NELL1: variants seen among roughly 807,000 people sequenced by gnomAD.
NELL1 encodes protein kinase C-binding protein NELL1.
NELL1 carries 76 observed loss-of-function variants against 107.4 expected under a neutral mutation model. That is an observed-to-expected ratio of 0.71 (90% confidence interval 0.59 to 0.86). NELL1 has a LOEUF of 0.86. Among genes scored for constraint, NELL1 ranks in the 40% least tolerant of loss-of-function variants. The pLI, the probability that NELL1 is intolerant of heterozygous loss-of-function variation, is 0.00. For synonymous variants in NELL1, 353 were observed against 341.2 expected, an observed-to-expected ratio of 1.03 and a Z score of -0.38; for missense variants, 1,024 against 1,005.5, an observed-to-expected ratio of 1.02 and a Z score of -0.25.
At chr11:21,060,059 A>C (rs780467253) in intron 12 of NELL1, among the ~76,000 whole-genome samples, 11 of 152,178 alleles carry the variant, frequency 7.2e-5, no homozygotes, top group Admixed American at 2.0e-4. Flanking sequence ...ACATGGGGTT[A>C]GGCACATTAA....
chr11:21,127,164 A>AT (rs1312654124), intron 13 of NELL1, among the ~76,000 whole-genome samples: 1 of 152,178 alleles, frequency 6.6e-6, no homozygotes, highest in African/African-American at 2.4e-5. Flanking sequence ...CACTCAGGAA[A>AT]TTTCCTTAGA....
intron 2 of NELL1, among the ~76,000 whole-genome samples, chr11:20,755,541 T>TTATTTTTATTTTTA (rs1564894939): frequency 7.4e-5 from 1 of 13,468 alleles, no homozygotes; most frequent in East Asian, 8.9e-3. Flanking sequence ...TGGGTTTTTG[T>TTATTTTTATTTTTA]TTTTTTTTGT....
At chr11:21,554,788 A>G (rs1352465655) in intron 16 of NELL1, among the ~76,000 whole-genome samples, 1 of 151,838 alleles carries the variant, frequency 6.6e-6, no homozygotes, top group Non-Finnish European at 1.5e-5. Context: ...GAGTCGTACA[A>G]CTAATAAATT....
At chr11:20,703,493 C>T (rs564952411) in intron 2 of NELL1, among the ~76,000 whole-genome samples, 40 of 152,206 alleles carry the variant, frequency 2.6e-4, no homozygotes, top group Admixed American at 1.8e-3. Flanking sequence ...TCTTTTGTGT[C>T]TCTATCTCCT....
intron 4 of NELL1, among the ~76,000 whole-genome samples, chr11:20,864,353 G>C (rs6483733): frequency 6.6e-6 from 1 of 151,948 alleles, no homozygotes; most frequent in African/African-American, 2.4e-5. Flanking sequence ...TTCGAAGACT[G>C]CAAGATACTT....
At chr11:21,530,808 C>A (rs1855973891) in intron 15 of NELL1, among the ~76,000 whole-genome samples, 2 of 152,060 alleles carry the variant, frequency 1.3e-5, no homozygotes, top group African/African-American at 4.8e-5. Context: ...GACTTGCAAA[C>A]ACCAGGAAAT....
chr11:21,513,953 G>A (rs1453030327), intron 15 of NELL1, among the ~76,000 whole-genome samples: 2 of 152,296 alleles, frequency 1.3e-5, no homozygotes, highest in South Asian at 2.1e-4. Flanking sequence ...CAGGCATTGT[G>A]CCTAGGACTG....
chr11:21,393,993 G>T (rs548109874), intron 15 of NELL1, among the ~76,000 whole-genome samples: 33 of 151,726 alleles, frequency 2.2e-4, no homozygotes, highest in African/African-American at 8.0e-4. Context: ...GGGGGCAGTA[G>T]AGCAGACTGG....
intron 2 of NELL1, among the ~76,000 whole-genome samples, chr11:20,688,440 C>T (rs1002778083): frequency 6.6e-6 from 1 of 152,000 alleles, no homozygotes; most frequent in Non-Finnish European, 1.5e-5. Context: ...TCATGTTTAT[C>T]CAATGTTTAG....
intron 5 of NELL1, among the ~76,000 whole-genome samples, chr11:20,908,928 A>C (rs140554461): frequency 2.9e-3 from 435 of 152,326 alleles, no homozygotes; most frequent in African/African-American, 9.9e-3. Flanking sequence ...AATGAAGCCA[A>C]ATGTCTACCC....
intron 16 of NELL1, among the ~76,000 whole-genome samples, chr11:21,539,764 A>T (rs1443703751): frequency 1.3e-5 from 2 of 151,482 alleles, no homozygotes; most frequent in Admixed American, 6.6e-5. Flanking sequence ...AATCCTGGGT[A>T]CAGGATACCG....
intron 15 of NELL1, chr11:21,504,052 T>G (rs1245161969): frequency 1.3e-5 from 2 of 152,212 alleles, no homozygotes; most frequent in African/African-American, 4.8e-5. Flanking sequence ...CACAAATTAG[T>G]GAATAACTTT....
At chr11:21,366,457 G>T (rs1851223422) in intron 14 of NELL1, among the ~76,000 whole-genome samples, 1 of 151,882 alleles carries the variant, frequency 6.6e-6, no homozygotes, top group African/African-American at 2.4e-5. Context: ...TGTCTATAGG[G>T]GCCAGCTTTT....
Position 21,192,331 on chromosome 11 carries a change from C to T in NELL1, c.1427-37001C>T, listed in dbSNP as rs376745043. 9.9e-5 allele frequency among the ~76,000 whole-genome samples: 15 copies of T among 151,664 alleles called. 1 individual carries two copies. The highest frequency in any genetic ancestry group is 1.6e-4 in the Non-Finnish European group (11 of 67,960). On this transcript the variant is annotated intron_variant, in intron 13 of 19. Coordinates refer to ENST00000357134, the MANE Select transcript of NELL1 (RefSeq NM_006157.5). ...TATTAATTTTTAGTAAGTGAGATGGCGAAGTTCTTATTGTTCTGTATGCTA... is the reference window on the plus strand; with the variant it reads ...TATTAATTTTTAGTAAGTGAGATGGTGAAGTTCTTATTGTTCTGTATGCTA...
chr11:21,447,114 G>T (rs1242895438), intron 15 of NELL1, among the ~76,000 whole-genome samples: 1 of 143,282 alleles, frequency 7.0e-6, no homozygotes, highest in Non-Finnish European at 1.5e-5. Context: ...AGACCCAAGG[G>T]CTCTTCAGTC....
intron 12 of NELL1, among the ~76,000 whole-genome samples, chr11:21,094,505 T>A (rs1292568595): frequency 1.3e-5 from 2 of 152,212 alleles, no homozygotes; most frequent in Non-Finnish European, 2.9e-5. Flanking sequence ...CAGCCCCATA[T>A]TTCCCTTCCA....
chr11:21,362,802 G>T (rs943862806), intron 14 of NELL1, among the ~76,000 whole-genome samples: 1 of 152,162 alleles, frequency 6.6e-6, no homozygotes, highest in Non-Finnish European at 1.5e-5. Context: ...ATTATCAGGT[G>T]GGGGAGGCTT....
chr11:20,956,700 A>G (rs898355649), intron 11 of NELL1, among the ~76,000 whole-genome samples: 1 of 152,114 alleles, frequency 6.6e-6, no homozygotes, highest in African/African-American at 2.4e-5. Flanking sequence ...GCATACCTAG[A>G]AAAGCAAAGT....
intron 5 of NELL1, among the ~76,000 whole-genome samples, chr11:20,889,104 T>C (rs1211710559): frequency 2.0e-5 from 3 of 152,180 alleles, no homozygotes; most frequent in Non-Finnish European, 2.9e-5. Flanking sequence ...TGCAAGGATA[T>C]GGATGCAAGG....
Sources: allele counts gnomAD v4.1 joint callset (sites outside exome capture counted in the v4.1 genomes callset), GRCh38; gene constraint gnomAD v4.1.1; transcripts MANE v1.5; gene names NCBI Gene and HGNC (gene_info 2026-07-23, HGNC 2026-07-21).